DDX46: variants seen among roughly 807,000 people sequenced by gnomAD.
The protein encoded by DDX46 is probable ATP-dependent RNA helicase DDX46.
A neutral mutation model predicts 134.9 loss-of-function variants in DDX46; 30 were observed. That is an observed-to-expected ratio of 0.22 (90% confidence interval 0.17 to 0.30). The LOEUF is 0.30. Ranked by LOEUF, DDX46 falls within the 10% of genes least tolerant of loss-of-function variation. The pLI, the probability that DDX46 is intolerant of heterozygous loss-of-function variation, is 1.00. For missense variants in DDX46, 622 were observed against 1,248.7 expected, an observed-to-expected ratio of 0.50 and a Z score of 7.56; for synonymous variants, 415 against 404.1, an observed-to-expected ratio of 1.03 and a Z score of -0.32.
chr5:134,760,277 G>T (rs755022854), intron 1 of DDX46, among the ~76,000 whole-genome samples: 1 of 152,144 alleles, frequency 6.6e-6, no homozygotes, highest in Non-Finnish European at 1.5e-5. Flanking sequence ...TACCTCTCTG[G>T]TGTGCATGGC....
chr5:134,827,834 A>G (rs917126936), intron 22 of DDX46, among the ~76,000 whole-genome samples: 1 of 152,190 alleles, frequency 6.6e-6, no homozygotes, highest in African/African-American at 2.4e-5. Context: ...ACTTCTGTGA[A>G]CATTATTCCA....
At chr5:134,796,199 A>C (rs759622198) in intron 15 of DDX46, 49 bp downstream of exon 15, 1 of 1,590,588 alleles carries the variant, frequency 6.3e-7, no homozygotes, top group African/African-American at 1.3e-5. Context: ...AGTACTTGCC[A>C]AGCATTGTGC....
rs150067181 is a variant in DDX46, at chr5:134,811,263, G to T, written c.2191G>T (p.Ala731Ser). 1.2e-6 allele frequency: 2 copies of T among 1,614,042 alleles called. No homozygotes were observed. Among genetic ancestry groups the T allele is most frequent in the East Asian group, 4.5e-5 (2 of 44,850 alleles). ...TATCACAGAGGATCAAGCTCGCTAT[G>T]CTGGTGACATAATTAAAGCTCTTGA... The part of the protein sequence containing the change: ...TFITEDQARY[A>S]GDIIKALELS... The change falls in exon 17 of 23, where the codon GCT (alanine) becomes TCT (serine). Residue 731 changes from alanine to serine, a missense_variant. Ala to Ser is a moderately conservative substitution (Grantham distance 99). Around this residue, in one of 8 missense-constraint regions of DDX46, gnomAD observed 209 missense variants for 508.4 expected, o/e 0.41. Transcript: ENST00000452510.
intron 7 of DDX46, 31 bp downstream of exon 7, chr5:134,781,277 G>A (rs1754145006): frequency 6.6e-7 from 1 of 1,518,470 alleles, no homozygotes; most frequent in South Asian, 1.2e-5. Context: ...CTTTGTTTAT[G>A]ATACTATCCT....
chr5:134,814,161 ATTG>A (rs575091227), intron 18 of DDX46, among the ~76,000 whole-genome samples: 370 of 152,178 alleles, frequency 2.4e-3, no homozygotes, highest in African/African-American at 8.4e-3. Context: ...GTCCTATTTT[ATTG>A]TTGTTAATCT....
chr5:134,799,063 G>T (rs1754749817), intron 15 of DDX46, among the ~76,000 whole-genome samples: 1 of 152,040 alleles, frequency 6.6e-6, no homozygotes, highest in Non-Finnish European at 1.5e-5. Flanking sequence ...AGGTAATATG[G>T]GCTTACTATG....
At chr5:134,824,827 G>C (rs1218912118) in intron 21 of DDX46, among the ~76,000 whole-genome samples, 2 of 152,180 alleles carry the variant, frequency 1.3e-5, no homozygotes, top group Non-Finnish European at 2.9e-5. Context: ...TGCCTGGCTG[G>C]CTCCTTGGAG....
chr5:134,800,474 G>A (rs1234777919), intron 15 of DDX46, among the ~76,000 whole-genome samples: 3 of 152,064 alleles, frequency 2.0e-5, no homozygotes, highest in Non-Finnish European at 4.4e-5. Flanking sequence ...AGTCATTTCT[G>A]TTGGACACTG....
intron 15 of DDX46, chr5:134,797,099 A>G (rs544119049): frequency 4.8e-6 from 1 of 206,844 alleles, no homozygotes; most frequent in East Asian, 1.8e-4. Context: ...GCCGGGAGGC[A>G]GAAGTTGCGG....
In DDX46 at chr5:134,807,932, A is replaced by C; in HGVS notation, c.2139A>C (p.Ala713=). The C allele has an allele frequency of 6.3e-7, 1 of 1,587,724 alleles. No individual in the cohort carries two copies. The highest frequency in any genetic ancestry group is 1.2e-5 in the South Asian group (1 of 85,976). ...YVHRAGRTGR[A]GNKGYAYTFI... is the part of the protein sequence containing the mutation. ...ACAGAGCAGGGCGGACTGGAAGAGC[A>C]GGAAACAAGGTAAAAATAAGTTTTT... Residue 713 remains alanine, a synonymous_variant, in exon 16 of 23, where the codon GCA becomes GCC. Coordinates refer to ENST00000452510, the MANE Select transcript of DDX46 (RefSeq NM_001300860.2).
chr5:134,815,129 G>C (rs1464641362), intron 18 of DDX46, among the ~76,000 whole-genome samples: 1 of 152,148 alleles, frequency 6.6e-6, no homozygotes, highest in East Asian at 1.9e-4. Context: ...GCACGCTGTG[G>C]TCCTAGCTAC....
At chr5:134,804,340 A>G (rs1385130940) in intron 15 of DDX46, among the ~76,000 whole-genome samples, 3 of 152,208 alleles carry the variant, frequency 2.0e-5, no homozygotes, top group Admixed American at 2.0e-4. Context: ...ATGACATGGT[A>G]TATTGTGACA....
At position 134,793,519 on chromosome 5, in the gene DDX46, C is replaced by T. The variant is rs553984417; in HGVS notation, c.1627-1331C>T. On this transcript the variant is annotated intron_variant, in intron 13 of 22. Coordinates refer to ENST00000452510, the MANE Select transcript of DDX46 (RefSeq NM_001300860.2). ...TCCCAGGTTCAAGTGATTCTCCTGCCTCACCCTCCTGAGTAGCTGGTATTA... is the reference window on the plus strand; with the variant it reads ...TCCCAGGTTCAAGTGATTCTCCTGCTTCACCCTCCTGAGTAGCTGGTATTA... Among the ~76,000 whole-genome samples, 22 of 152,232 alleles carry T rather than the reference C, an allele frequency of 1.4e-4. No homozygotes were observed. In the South Asian group the frequency reaches 4.4e-3, roughly 30 times the overall value.
chr5:134,807,665 TC>T, intron 15 of DDX46, 82 bp from the exon 16 acceptor site: 3 of 1,278,224 alleles, frequency 2.3e-6, no homozygotes, highest in Non-Finnish European at 3.2e-6. Context: ...GTCAATTTGT[TC>T]TTCACTGAGT....
At chr5:134,795,889 A>G (rs1370515582) in intron 14 of DDX46, 99 bp from the exon 15 acceptor site, 2 of 1,078,146 alleles carry the variant, frequency 1.9e-6, no homozygotes, top group Non-Finnish European at 2.7e-6. Flanking sequence ...ATATAGCAAG[A>G]TATTGTCATT....
At chr5:134,821,650 A>T (rs1580821668) in intron 21 of DDX46, among the ~76,000 whole-genome samples, 1 of 147,920 alleles carries the variant, frequency 6.8e-6, no homozygotes, top group Non-Finnish European at 1.5e-5. Flanking sequence ...TCTGCCTCCC[A>T]GGCTTAAGCG....
chr5:134,799,347 T>TA (rs1220588780), intron 15 of DDX46, among the ~76,000 whole-genome samples: 1 of 151,542 alleles, frequency 6.6e-6, no homozygotes, highest in Non-Finnish European at 1.5e-5. Context: ...AGAGTCTCCC[T>TA]ATGCTGCCCA....
chr5:134,811,369 A>G lies in DDX46; in HGVS notation c.2286+11A>G. On this transcript the variant is annotated intron_variant, in intron 17 of 22. Coordinates refer to ENST00000452510, the MANE Select transcript of DDX46 (RefSeq NM_001300860.2). Reference sequence around the variant, plus strand: ...GATCAGCAGAAAGCTGTGAGTTTTTAACCCATGTTACTCTTCTAGAAATCA... The same window carrying G: ...GATCAGCAGAAAGCTGTGAGTTTTTGACCCATGTTACTCTTCTAGAAATCA... The G allele has an allele frequency of 6.2e-7, 1 of 1,613,334 alleles. No homozygotes were observed. The highest frequency in any genetic ancestry group is 8.5e-7 in the Non-Finnish European group (1 of 1,179,636).
intron 16 of DDX46, among the ~76,000 whole-genome samples, chr5:134,808,931 A>G (rs543196260): frequency 6.7e-6 from 1 of 148,768 alleles, no homozygotes; most frequent in South Asian, 2.1e-4. Flanking sequence ...TTTTACATAT[A>G]TAATGTTATT....
Sources: gnomAD v4.1 joint callset for allele counts (sites outside exome capture counted in the v4.1 genomes callset) on GRCh38, gnomAD v4.1.1 for gene constraint, gnomAD v4.1.1 regional missense constraint, MANE v1.5 for transcripts, NCBI Gene and HGNC (gene_info 2026-07-23, HGNC 2026-07-21) for gene names.